TMCC1: variants seen among roughly 807,000 people sequenced by gnomAD.
TMCC1 encodes transmembrane and coiled-coil domain family 1.
Under a neutral mutation model 52.4 loss-of-function variants are expected in TMCC1, and 15 were observed. The ratio of observed to expected loss-of-function variants is 0.29; its 90% CI spans 0.19 to 0.44. The LOEUF is 0.44. TMCC1 is among the 20% of genes least tolerant of loss of function. The pLI is 1.00. For missense variants in TMCC1, 503 were observed against 806.0 expected, an observed-to-expected ratio of 0.62 and a Z score of 4.55; for synonymous variants, 279 against 301.9, an observed-to-expected ratio of 0.92 and a Z score of 0.79.
rs931446491 is a variant in TMCC1, at chr3:129,735,143, C to T, written c.577-63879G>A. Among the ~76,000 whole-genome samples the T allele has an allele frequency of 9.9e-5, 15 of 152,194 alleles. No homozygotes were observed. The South Asian group carries it at 1.7e-3, about 17-fold the overall frequency. ...GTCTCTATCTCCTGACCTCATGACC[C>T]GCCCGCCTTGGCCTCCCAAAGTGTT... On this transcript the variant is annotated intron_variant, in intron 4 of 6. Coordinates refer to ENST00000393238, the MANE Select transcript of TMCC1 (RefSeq NM_001017395.5).
intron 2 of TMCC1, among the ~76,000 whole-genome samples, chr3:129,870,590 T>A (rs2060865226): frequency 1.3e-5 from 2 of 150,752 alleles, no homozygotes; most frequent in South Asian, 4.2e-4. Context: ...ATACAAAAAA[T>A]TAGCCAGGCG....
chr3:129,788,801 A>T (rs1293692402), intron 4 of TMCC1, among the ~76,000 whole-genome samples: 2 of 152,240 alleles, frequency 1.3e-5, no homozygotes, highest in South Asian at 2.1e-4. Flanking sequence ...ACAGAAGAAC[A>T]TCATCAATCT....
intron 4 of TMCC1, among the ~76,000 whole-genome samples, chr3:129,684,599 G>A (rs1041793939): frequency 6.6e-6 from 1 of 152,190 alleles, no homozygotes; most frequent in Admixed American, 6.5e-5. Context: ...AGAACAAGGC[G>A]AGTTGTGGAT....
At chr3:129,658,009 T>A (rs1429052940) in intron 5 of TMCC1, among the ~76,000 whole-genome samples, 1 of 152,238 alleles carries the variant, frequency 6.6e-6, no homozygotes, top group Admixed American at 6.5e-5. Flanking sequence ...CCCATATGTA[T>A]ACGAGTGTTC....
intron 4 of TMCC1, among the ~76,000 whole-genome samples, chr3:129,763,539 T>A (rs1479983693): frequency 1.1e-5 from 1 of 87,388 alleles, no homozygotes; most frequent in East Asian, 3.2e-4. Context: ...TGAGACCCTG[T>A]CTCAAAAAAA....
chr3:129,741,800 A>G (rs2403438), intron 4 of TMCC1, among the ~76,000 whole-genome samples: 149,838 of 152,192 alleles, frequency 0.98, 73,801 homozygotes, highest in East Asian at 1. Context: ...CATCAGTTAT[A>G]TCTTAACAGA....
At chr3:129,849,498 C>T (rs1409373881) in intron 2 of TMCC1, among the ~76,000 whole-genome samples, 4 of 146,394 alleles carry the variant, frequency 2.7e-5, no homozygotes, top group African/African-American at 1.0e-4. Context: ...GGCACGGTGG[C>T]TCACGCCTGT....
chr3:129,878,317 T>G (rs1420500671), intron 2 of TMCC1, among the ~76,000 whole-genome samples: 1 of 152,160 alleles, frequency 6.6e-6, no homozygotes, highest in African/African-American at 2.4e-5. Context: ...ACTGAGCTTC[T>G]GTTACTTCTC....
chr3:129,705,207 G>A (rs1233673782), intron 4 of TMCC1, among the ~76,000 whole-genome samples: 1 of 152,168 alleles, frequency 6.6e-6, no homozygotes, highest in Non-Finnish European at 1.5e-5. Flanking sequence ...CTCTAGTGAG[G>A]AACGAAAAGG....
intron 4 of TMCC1, among the ~76,000 whole-genome samples, chr3:129,766,578 T>C (rs920799544): frequency 6.6e-6 from 1 of 152,222 alleles, no homozygotes; most frequent in Non-Finnish European, 1.5e-5. Flanking sequence ...TTAGATTGTA[T>C]GACAATGCTC....
chr3:129,886,616 T>C (rs1395653658), intron 1 of TMCC1, among the ~76,000 whole-genome samples: 1 of 151,950 alleles, frequency 6.6e-6, no homozygotes, highest in East Asian at 1.9e-4. Context: ...CATGGATGAA[T>C]AAAAACACTG....
At position 129,659,418 on chromosome 3, in the gene TMCC1, T is replaced by A. The variant is rs554038034; in HGVS notation, c.1512-4315A>T. Among the ~76,000 whole-genome samples, 8 of 152,266 alleles carry A rather than the reference T, an allele frequency of 5.3e-5. No individual in the cohort carries two copies. In the East Asian group the frequency reaches 1.4e-3, roughly 26 times the overall value. ...CTATTTTCATCTTTCAAACTATAGA[T>A]ACTTTAAATTTTGTGGTATATTTGC... On this transcript the variant is annotated intron_variant, in intron 5 of 6. Transcript: ENST00000393238.
chr3:129,684,978 T>C (rs2089296460), intron 4 of TMCC1, among the ~76,000 whole-genome samples: 2 of 152,148 alleles, frequency 1.3e-5, no homozygotes, highest in South Asian at 4.1e-4. Context: ...ATCTAGTTGG[T>C]GAAACATGGA....
chr3:129,839,963 C>G (rs1027457134), intron 2 of TMCC1, among the ~76,000 whole-genome samples: 5 of 151,450 alleles, frequency 3.3e-5, no homozygotes, highest in Non-Finnish European at 7.4e-5. Context: ...TCTAATTATA[C>G]TAATAATCAC....
At chr3:129,685,049 T>G (rs142586870) in intron 4 of TMCC1, among the ~76,000 whole-genome samples, 1 of 152,264 alleles carries the variant, frequency 6.6e-6, no homozygotes, top group African/African-American at 2.4e-5. Context: ...AGCAAAGTAC[T>G]CTTTGAACAC....
At chr3:129,720,457 C>CT (rs1183309176) in intron 4 of TMCC1, among the ~76,000 whole-genome samples, 1 of 152,092 alleles carries the variant, frequency 6.6e-6, no homozygotes, top group Non-Finnish European at 1.5e-5. Flanking sequence ...TGTAGGTTGT[C>CT]TACGTGGATG....
At chr3:129,745,184 T>C (rs1038447087) in intron 4 of TMCC1, among the ~76,000 whole-genome samples, 3 of 152,192 alleles carry the variant, frequency 2.0e-5, no homozygotes, top group African/African-American at 7.2e-5. Context: ...AGATTTTTAT[T>C]CAAAAGTACA....
chr3:129,692,783 T>A (rs1315107987), intron 4 of TMCC1, among the ~76,000 whole-genome samples: 4 of 152,108 alleles, frequency 2.6e-5, no homozygotes, highest in South Asian at 4.1e-4. Context: ...AAAAGGAGCA[T>A]TTTTTTGTCC....
At chr3:129,789,983 G>A (rs937813306) in intron 4 of TMCC1, among the ~76,000 whole-genome samples, 1 of 152,106 alleles carries the variant, frequency 6.6e-6, no homozygotes, top group African/African-American at 2.4e-5. Context: ...TCTCTTCACA[G>A]GCCAACCCAA....
Sources: gnomAD v4.1 joint callset for allele counts (sites outside exome capture counted in the v4.1 genomes callset) on GRCh38, gnomAD v4.1.1 for gene constraint, MANE v1.5 for transcripts, NCBI Gene and HGNC (gene_info 2026-07-23, HGNC 2026-07-21) for gene names.